COL13A1: variants seen among roughly 807,000 people sequenced by gnomAD.
COL13A1 encodes the protein collagen alpha-1(XIII) chain.
A neutral mutation model predicts 130.9 loss-of-function variants in COL13A1; 89 were observed. The ratio of observed to expected loss-of-function variants is 0.68; its 90% CI spans 0.57 to 0.81. COL13A1 has a LOEUF of 0.81. Ranked by LOEUF, COL13A1 falls within the 30% of genes least tolerant of loss-of-function variation. The pLI is 0.00. For synonymous variants in COL13A1, 402 were observed against 341.6 expected (o/e 1.18, Z -1.95); for missense variants, 879 against 934.6 (o/e 0.94, Z 0.78).
intron 17 of COL13A1, among the ~76,000 whole-genome samples, chr10:69,913,135 C>G (rs1352524594): frequency 6.6e-6 from 1 of 152,230 alleles, no homozygotes; most frequent in Admixed American, 6.5e-5. Flanking sequence ...TCCCTTCCTG[C>G]ATTGGTTCTT....
In COL13A1 at chr10:69,803,594, G is replaced by A. The variant is rs544179135; in HGVS notation, c.294+877G>A. On this transcript the variant is annotated intron_variant, in intron 1 of 40. Coordinates refer to ENST00000645393, the MANE Select transcript of COL13A1 (RefSeq NM_001368882.1). ...AGAGGAGGACAGGCAGGTGGGGGCCGCAGCAGTCTGGGAAGAGGTCCTGGA... is the reference window on the plus strand; with the variant it reads ...AGAGGAGGACAGGCAGGTGGGGGCCACAGCAGTCTGGGAAGAGGTCCTGGA... 6.8e-4 allele frequency among the ~76,000 whole-genome samples: 104 copies of A among 152,262 alleles called. 1 individual carries two copies. Among genetic ancestry groups the A allele is most frequent in the Non-Finnish European group, 1.2e-3 (83 of 68,024 alleles).
In COL13A1 at chr10:69,910,880, G is replaced by A. The variant is rs540442605; in HGVS notation, c.921+5058G>A. ...GGTCTGTCTGTCTCACTTTGGGGGC[G>A]CATTTGATGCCTGTGGTGGCCTGGA... On this transcript the variant is annotated intron_variant, in intron 17 of 40. Transcript: ENST00000645393. Among the ~76,000 whole-genome samples, 8 of 152,220 alleles carry A rather than the reference G, an allele frequency of 5.3e-5. No individual in the cohort carries two copies. The East Asian group carries it at 1.2e-3, about 22-fold the overall frequency.
chr10:69,929,777 T>C (rs534467816), intron 28 of COL13A1, among the ~76,000 whole-genome samples: 1 of 152,154 alleles, frequency 6.6e-6, no homozygotes, highest in African/African-American at 2.4e-5. Flanking sequence ...GGCTAAAACA[T>C]GGACATGGAG....
intron 4 of COL13A1, 76 bp downstream of exon 4, chr10:69,872,286 G>A: frequency 6.4e-7 from 1 of 1,566,792 alleles, no homozygotes; most frequent in Non-Finnish European, 8.7e-7. Flanking sequence ...GGCTAGGTTG[G>A]GTGGCTGGTT....
In COL13A1 at chr10:69,937,687, A is replaced by T. The variant is rs201675818; in HGVS notation, c.1850A>T (p.Lys617Ile). Residue 617 changes from lysine (K) to isoleucine (I), a missense_variant, in exon 34 of 41, where the codon AAA becomes ATA. Transcript: ENST00000645393. ...AKGEKGFQGE[K>I]GDRGPLGLPG... ...GGAGAGAAAGGCTTCCAGGGAGAAA[A>T]AGGAGACCGTGGTCCCCTGGGACTA... 333 of 1,585,226 alleles carry T rather than the reference A, an allele frequency of 2.1e-4. No individual in the cohort carries two copies. The highest frequency in any genetic ancestry group is 1.6e-5 in the Non-Finnish European group (19 of 1,153,746).
chr10:69,949,875 C>T (rs2069123568), intron 38 of COL13A1, among the ~76,000 whole-genome samples: 1 of 142,756 alleles, frequency 7.0e-6, no homozygotes. Flanking sequence ...TGCAGTGAGG[C>T]TGCTTCTGCT....
At chr10:69,874,624 G>T (rs1467196380) in intron 4 of COL13A1, among the ~76,000 whole-genome samples, 1 of 152,198 alleles carries the variant, frequency 6.6e-6, no homozygotes, top group Non-Finnish European at 1.5e-5. Flanking sequence ...AGACTCCAGA[G>T]GTTGCTTTCT....
At chr10:69,922,888 C>A (rs1310367046) in intron 23 of COL13A1, 94 bp downstream of exon 23, 2 of 744,724 alleles carry the variant, frequency 2.7e-6, no homozygotes, top group Admixed American at 3.6e-5. Flanking sequence ...GGACATCCCG[C>A]CTTCTCTAGC....
At chr10:69,811,287 G>T (rs1010498682) in intron 1 of COL13A1, among the ~76,000 whole-genome samples, 4 of 152,306 alleles carry the variant, frequency 2.6e-5, no homozygotes, top group African/African-American at 9.6e-5. Context: ...GCCCCTAAAG[G>T]CTGTTGTGGG....
At chr10:69,827,668 C>T (rs1235925830) in intron 2 of COL13A1, among the ~76,000 whole-genome samples, 2 of 152,196 alleles carry the variant, frequency 1.3e-5, no homozygotes, top group Non-Finnish European at 2.9e-5. Context: ...TTATGAGCTG[C>T]TATTTACCTT....
intron 24 of COL13A1, among the ~76,000 whole-genome samples, chr10:69,924,524 A>C (rs902569094): frequency 1.5e-4 from 23 of 150,494 alleles, no homozygotes; most frequent in African/African-American, 5.6e-4. Flanking sequence ...TGGGTCTTTC[A>C]CAAGTAGAGT....
At chr10:69,861,889 G>A (rs1858199978) in intron 2 of COL13A1, among the ~76,000 whole-genome samples, 1 of 152,218 alleles carries the variant, frequency 6.6e-6, no homozygotes, top group Non-Finnish European at 1.5e-5. Flanking sequence ...GGGCTGGAAA[G>A]GTCTGGGGGT....
chr10:69,851,792 T>C (rs946567648), intron 2 of COL13A1, among the ~76,000 whole-genome samples: 2 of 152,128 alleles, frequency 1.3e-5, no homozygotes, highest in African/African-American at 2.4e-5. Flanking sequence ...GTAGGTGAGA[T>C]TGCAGGCTTG....
intron 2 of COL13A1, among the ~76,000 whole-genome samples, chr10:69,851,989 G>A (rs766701642): frequency 4.6e-5 from 7 of 152,196 alleles, no homozygotes; most frequent in Non-Finnish European, 8.8e-5. Flanking sequence ...ACAGGTGGCT[G>A]ACAGCTGCTG....
At chr10:69,934,204 T>C (rs1275043831) in intron 31 of COL13A1, among the ~76,000 whole-genome samples, 3 of 152,240 alleles carry the variant, frequency 2.0e-5, no homozygotes, top group Non-Finnish European at 4.4e-5. Context: ...CCAGGTAAAA[T>C]TGACTTCTTC....
In COL13A1 at chr10:69,946,374, G is replaced by C. The variant is rs1258860691; in HGVS notation, c.2022+650G>C. On this transcript the variant is annotated intron_variant, in intron 37 of 40. Transcript: ENST00000645393. ...TCAAATCCAGACCCCTGTGATAGGAGAGGCTTCATGAGCGGAGCAGCTGGG... is the reference window on the plus strand; with the variant it reads ...TCAAATCCAGACCCCTGTGATAGGACAGGCTTCATGAGCGGAGCAGCTGGG... Among the ~76,000 whole-genome samples the C allele has an allele frequency of 2.0e-5, 3 of 152,216 alleles. No homozygotes were observed. In the East Asian group the frequency reaches 5.8e-4, roughly 29 times the overall value.
chr10:69,822,254 G>A (rs886261854), intron 1 of COL13A1, 115 bp from the exon 2 acceptor site: 9 of 693,238 alleles, frequency 1.3e-5, no homozygotes, highest in Non-Finnish European at 2.0e-5. Context: ...TTTGATCCAG[G>A]AAGAGTTCTG....
At chr10:69,942,349 C>T (rs990828935) in intron 35 of COL13A1, among the ~76,000 whole-genome samples, 6 of 152,154 alleles carry the variant, frequency 3.9e-5, no homozygotes, top group African/African-American at 9.7e-5. Context: ...TATGGCTTTG[C>T]TCCTTCGCCA....
intron 1 of COL13A1, among the ~76,000 whole-genome samples, chr10:69,819,968 A>G (rs544140224): frequency 3.3e-5 from 5 of 152,086 alleles, no homozygotes; most frequent in Non-Finnish European, 7.4e-5. Context: ...GTTCCCTCTG[A>G]CTGGAACACA....
Sources: allele counts gnomAD v4.1 joint callset (sites outside exome capture counted in the v4.1 genomes callset), GRCh38; gene constraint gnomAD v4.1.1; transcripts MANE v1.5; gene names NCBI Gene and HGNC (gene_info 2026-07-23, HGNC 2026-07-21).